Variants in GNAO1 observed in about 807,000 individuals in gnomAD.
GNAO1 encodes the protein guanine nucleotide-binding protein G(o) subunit alpha.
For missense variants in GNAO1, 166 were observed against 478.7 expected, an observed-to-expected ratio of 0.35 and a Z score of 6.10; for synonymous variants, 164 against 180.7, an observed-to-expected ratio of 0.91 and a Z score of 0.74.
intron 6 of GNAO1, chr16:56,346,002 C>G (rs1223811484): frequency 5.1e-6 from 5 of 984,866 alleles, no homozygotes; most frequent in Non-Finnish European, 6.0e-6. Context: ...GGCCTCCAAT[C>G]CAGGCCTTCC....
chr16:56,192,134 C>A lies in GNAO1; in HGVS notation c.-102C>A. ...CCAGGAGAGGATATCGTGATTTTCC[C>A]CCCTTGAGCCCAGGCTCTGCTCTCT... On this transcript the variant is annotated 5_prime_UTR_variant, in exon 1 of 9. Transcript: ENST00000262493. 1.1e-5 allele frequency: 7 copies of A among 663,162 alleles called. No individual in the cohort carries two copies. Among genetic ancestry groups the A allele is most frequent in the Non-Finnish European group, 1.9e-5 (7 of 374,022 alleles). The allele number at this position is 663,162 out of a possible 1,614,324, so 41.1% of individuals were successfully genotyped here.
At chr16:56,308,311 T>C (rs1245616871) in intron 3 of GNAO1, 1 of 152,242 alleles carries the variant, frequency 6.6e-6, no homozygotes, top group Non-Finnish European at 1.5e-5. Context: ...CACAAACCTC[T>C]GGTTCTGTGG....
intron 5 of GNAO1, 97 bp downstream of exon 5, chr16:56,334,954 T>A (rs947958925): frequency 7.5e-7 from 1 of 1,337,284 alleles, no homozygotes; most frequent in Non-Finnish European, 1.0e-6. Flanking sequence ...AACATCATCC[T>A]GCCCCAGGGA....
intron 2 of GNAO1, chr16:56,194,058 A>G (rs1213234765): frequency 8.8e-6 from 4 of 452,874 alleles, no homozygotes; most frequent in Non-Finnish European, 1.8e-5. Flanking sequence ...TTGGATGTGT[A>G]ACAGGCATGA....
chr16:56,319,312 C>T (rs1302937272), intron 3 of GNAO1, among the ~76,000 whole-genome samples: 1 of 152,164 alleles, frequency 6.6e-6, no homozygotes, highest in Non-Finnish European at 1.5e-5. Flanking sequence ...CACCACCACC[C>T]CTGGGGTGTG....
chr16:56,308,197 G>A (rs2037416628), intron 3 of GNAO1: 1 of 152,216 alleles, frequency 6.6e-6, no homozygotes, highest in Non-Finnish European at 1.5e-5. Context: ...CCAAAGAGTG[G>A]TGTGCGCTTT....
At chr16:56,216,159 G>A (rs368598946) in intron 2 of GNAO1, among the ~76,000 whole-genome samples, 31 of 152,304 alleles carry the variant, frequency 2.0e-4, no homozygotes, top group African/African-American at 7.2e-4. Flanking sequence ...TCTTGGTTTA[G>A]GCAGTGGTTA....
intron 2 of GNAO1, among the ~76,000 whole-genome samples, chr16:56,242,420 T>G (rs2036702099): frequency 6.6e-6 from 1 of 152,176 alleles, no homozygotes; most frequent in Admixed American, 6.5e-5. Context: ...TTTCAAAACT[T>G]GCTACAAAGC....
chr16:56,284,342 C>T (rs372784218), intron 3 of GNAO1, among the ~76,000 whole-genome samples: 1 of 152,270 alleles, frequency 6.6e-6, no homozygotes, highest in Non-Finnish European at 1.5e-5. Flanking sequence ...AAGGCTGGAT[C>T]GGGCCGCAAG....
intron 3 of GNAO1, among the ~76,000 whole-genome samples, chr16:56,317,156 G>T (rs569188669): frequency 3.7e-4 from 56 of 152,342 alleles, no homozygotes; most frequent in African/African-American, 1.3e-3. Context: ...GACATCCTGG[G>T]TCCAGGCAGG....
intron 2 of GNAO1, among the ~76,000 whole-genome samples, chr16:56,216,633 GTT>G (rs1278153503): frequency 6.6e-6 from 1 of 152,232 alleles, no homozygotes; most frequent in Non-Finnish European, 1.5e-5. Flanking sequence ...TGATGTGGCT[GTT>G]AGGAGTATCA....
chr16:56,260,369 C>A (rs1450214439), intron 2 of GNAO1, among the ~76,000 whole-genome samples: 1 of 152,202 alleles, frequency 6.6e-6, no homozygotes, highest in Admixed American at 6.5e-5. Flanking sequence ...TCTCCTTAGC[C>A]TGCTTGTCTT....
intron 2 of GNAO1, among the ~76,000 whole-genome samples, chr16:56,258,710 C>G (rs2036875920): frequency 1.3e-5 from 2 of 152,268 alleles, no homozygotes; most frequent in Admixed American, 1.3e-4. Context: ...CTTGCAGCCT[C>G]TGGGCAGCCC....
intron 2 of GNAO1, among the ~76,000 whole-genome samples, chr16:56,215,993 C>A (rs1024041642): frequency 1.3e-5 from 2 of 152,278 alleles, no homozygotes; most frequent in Middle Eastern, 3.4e-3. Context: ...ACCTCTGCTC[C>A]CTATCTCTAC....
At chr16:56,322,444 C>A (rs904703026) in intron 3 of GNAO1, among the ~76,000 whole-genome samples, 1 of 152,218 alleles carries the variant, frequency 6.6e-6, no homozygotes, top group Non-Finnish European at 1.5e-5. Flanking sequence ...AGCCTGAGCC[C>A]CGTCCCCCAG....
chr16:56,263,208 G>A (rs2036919980), intron 2 of GNAO1, among the ~76,000 whole-genome samples: 1 of 152,218 alleles, frequency 6.6e-6, no homozygotes, highest in Non-Finnish European at 1.5e-5. Flanking sequence ...GGGGGATGGT[G>A]GAGAGAGATA....
At chr16:56,315,927 C>T (rs1359337830) in intron 3 of GNAO1, among the ~76,000 whole-genome samples, 4 of 151,946 alleles carry the variant, frequency 2.6e-5, no homozygotes, top group South Asian at 2.1e-4. Flanking sequence ...GGCATGGTGG[C>T]GGGCACCTGT....
At chr16:56,253,714 G>A (rs1297179875) in intron 2 of GNAO1, among the ~76,000 whole-genome samples, 1 of 152,172 alleles carries the variant, frequency 6.6e-6, no homozygotes, top group African/African-American at 2.4e-5. Context: ...GACATGTGTA[G>A]CCAGGATTTG....
intron 2 of GNAO1, among the ~76,000 whole-genome samples, chr16:56,272,118 C>T (rs1298628543): frequency 6.6e-6 from 1 of 151,926 alleles, no homozygotes; most frequent in Non-Finnish European, 1.5e-5. Flanking sequence ...ATAATATTTC[C>T]TGTTGTCGGT....
Sources: allele counts gnomAD v4.1 joint callset (sites outside exome capture counted in the v4.1 genomes callset), GRCh38; gene constraint gnomAD v4.1.1; transcripts MANE v1.5; gene names NCBI Gene and HGNC (gene_info 2026-07-23, HGNC 2026-07-21).